The following MICAL2 variants were observed in gnomAD, a reference collection of about 807,000 sequenced individuals.
MICAL2 encodes microtubule associated monooxygenase, calponin and LIM domain containing 2.
A neutral mutation model predicts 127.3 loss-of-function variants in MICAL2; 77 were observed. That is an observed-to-expected ratio of 0.60 (90% CI 0.50 to 0.73). The LOEUF is 0.73. Ranked by LOEUF, MICAL2 falls within the 30% of genes least tolerant of loss-of-function variation. MICAL2 has a pLI of 0.00. For missense variants in MICAL2, 1,351 were observed against 1,434.4 expected (o/e 0.94, Z 0.94); for synonymous variants, 570 against 551.1 (o/e 1.03, Z -0.48).
Position 12,329,862 on chromosome 11 carries a change from GA to G in MICAL2, c.5515+2617del, listed in dbSNP as rs59395634. ...GAAAATCTTCCTCATCCCCAAATAT[GA>G]AAAAAAAAAAAAAAAAAAAAGAAAA... On this transcript the variant is annotated intron_variant, in intron 32 of 34. Transcript: ENST00000646065. Among the ~76,000 whole-genome samples the G allele has an allele frequency of 9.3e-3, 1,133 of 121,912 alleles. 26 individuals are homozygous for G. The highest frequency in any genetic ancestry group is 0.06 in the Admixed American group (700 of 11,748). 80.0% of individuals were successfully genotyped at this position (121,912 alleles called of 152,430 possible). A position where few individuals can be genotyped will look rare whatever the true frequency, so the allele number is the denominator to read the frequency against.
intron 29 of MICAL2, among the ~76,000 whole-genome samples, chr11:12,298,366 C>A (rs956053745): frequency 6.6e-6 from 1 of 152,036 alleles, no homozygotes; most frequent in African/African-American, 2.4e-5. Flanking sequence ...ATTAATTCCT[C>A]TTTGTTATAA....
At chr11:12,284,872 A>G (rs1863807748) in intron 2 of MICAL2, among the ~76,000 whole-genome samples, 1 of 152,172 alleles carries the variant, frequency 6.6e-6, no homozygotes, top group South Asian at 2.1e-4. Flanking sequence ...AACCTGCCAG[A>G]CAGAGCAGAC....
At chr11:12,168,513 A>G (rs1855825521) in intron 3 of MICAL2, among the ~76,000 whole-genome samples, 1 of 151,626 alleles carries the variant, frequency 6.6e-6, no homozygotes, top group Non-Finnish European at 1.5e-5. Flanking sequence ...ACACACATAC[A>G]TAACACCACA....
At chr11:12,158,241 T>C (rs574870770) in intron 2 of MICAL2, among the ~76,000 whole-genome samples, 1 of 152,110 alleles carries the variant, frequency 6.6e-6, no homozygotes, top group Non-Finnish European at 1.5e-5. Flanking sequence ...GTCCCAAGCA[T>C]TTTGGATAAG....
At chr11:12,189,714 G>T (rs889612393) in intron 3 of MICAL2, among the ~76,000 whole-genome samples, 3 of 152,124 alleles carry the variant, frequency 2.0e-5, no homozygotes, top group Admixed American at 6.5e-5. Context: ...TCCATATGTG[G>T]GCTTCCGCAG....
chr11:12,272,641 C>T (rs943402618), upstream of MICAL2, among the ~76,000 whole-genome samples: 2 of 152,188 alleles, frequency 1.3e-5, no homozygotes, highest in African/African-American at 4.8e-5. Flanking sequence ...CATATGGCAC[C>T]TATTTTCTTG....
intron 33 of MICAL2, chr11:12,349,987 AG>A (rs753916748): frequency 3.3e-6 from 5 of 1,525,766 alleles, no homozygotes; most frequent in Non-Finnish European, 4.5e-6. Flanking sequence ...AAAGGGGCAA[AG>A]GGGGGTGGCT....
intron 1 of MICAL2, among the ~76,000 whole-genome samples, chr11:12,276,937 AT>A (rs1017996323): frequency 6.6e-6 from 1 of 152,178 alleles, no homozygotes; most frequent in Admixed American, 6.5e-5. Context: ...GCTGCCTTAG[AT>A]TGGGTGGCCA....
At chr11:12,216,120 A>G in intron 7 of MICAL2, 99 bp from the exon 8 acceptor site, 1 of 854,486 alleles carries the variant, frequency 1.2e-6, no homozygotes, top group Non-Finnish European at 1.9e-6. Context: ...AATATTCTGC[A>G]GATAAATAAC....
At chr11:12,295,068 C>T (rs1055344715), downstream of MICAL2, among the ~76,000 whole-genome samples, 1 of 152,016 alleles carries the variant, frequency 6.6e-6, no homozygotes, top group African/African-American at 2.4e-5. Context: ...AACCATAACC[C>T]TACGACCACT....
chr11:12,181,180 G>A (rs1857434618), intron 3 of MICAL2, among the ~76,000 whole-genome samples: 1 of 152,154 alleles, frequency 6.6e-6, no homozygotes. Flanking sequence ...CTGACCTCAG[G>A]TGGTCCACCC....
At chr11:12,356,610 G>GT in intron 34 of MICAL2, among the ~76,000 whole-genome samples, 1 of 152,240 alleles carries the variant, frequency 6.6e-6, no homozygotes, top group South Asian at 2.1e-4. Flanking sequence ...CCACTCTCTC[G>GT]GGGTGCCTGA....
At chr11:12,278,918 G>A (rs1863745937) in intron 1 of MICAL2, among the ~76,000 whole-genome samples, 1 of 152,232 alleles carries the variant, frequency 6.6e-6, no homozygotes, top group African/African-American at 2.4e-5. Flanking sequence ...CTTTGTGGAT[G>A]TCAGGTAAGT....
At chr11:12,313,499 T>C (rs1323411614) in intron 29 of MICAL2, among the ~76,000 whole-genome samples, 1 of 152,206 alleles carries the variant, frequency 6.6e-6, no homozygotes, top group Admixed American at 6.5e-5. Flanking sequence ...TGTGTGTGAC[T>C]TAAGTCCTTT....
Position 12,162,096 on chromosome 11 carries a change from A to G in MICAL2, c.-60A>G. The G allele has an allele frequency of 6.2e-7, 1 of 1,603,744 alleles. No individual in the cohort carries two copies. The highest frequency in any genetic ancestry group is 8.5e-7 in the Non-Finnish European group (1 of 1,173,976). On this transcript the variant is annotated 5_prime_UTR_variant, in exon 3 of 28. Transcript: ENST00000683283. ...TTTCACAGGTGTGACGTTTCTCCAG[A>G]TACTTCATGCTGTTCACCTGTGTCC...
intron 32 of MICAL2, among the ~76,000 whole-genome samples, chr11:12,341,503 CG>C (rs780235971): frequency 2.2e-4 from 34 of 152,002 alleles, no homozygotes; most frequent in South Asian, 4.2e-4. Flanking sequence ...ATAAATAGAT[CG>C]TTTTTTTTCT....
rs117502070 is a variant in MICAL2, at chr11:12,227,803, G to A, written c.1995+672G>A. 9.3e-3 allele frequency among the ~76,000 whole-genome samples: 1,421 copies of A among 152,306 alleles called. 10 individuals are homozygous for A. Among genetic ancestry groups the A allele is most frequent in the Non-Finnish European group, 0.015 (1,038 of 68,020 alleles). On this transcript the variant is annotated intron_variant, in intron 15 of 27. Transcript: ENST00000683283. ...ACCTAACAGTTTCATTTATTAAGTA[G>A]TTAAGACCAAATAACTTAATAGGAG...
downstream of MICAL2, chr11:12,294,425 C>G (rs920114333): frequency 1.2e-5 from 19 of 1,614,082 alleles, no homozygotes; most frequent in Non-Finnish European, 1.6e-5. Context: ...TGGGAGAAAC[C>G]AGTCCTCAGC....
At chr11:12,305,789 T>C (rs2134813447) in intron 29 of MICAL2, among the ~76,000 whole-genome samples, 1 of 152,324 alleles carries the variant, frequency 6.6e-6, no homozygotes, top group East Asian at 1.9e-4. Flanking sequence ...TATTGAGGTC[T>C]TCAATTTTTC....
Sources: allele counts gnomAD v4.1 joint callset (sites outside exome capture counted in the v4.1 genomes callset), GRCh38; gene constraint gnomAD v4.1.1; transcripts MANE v1.5; gene names NCBI Gene and HGNC (gene_info 2026-07-23, HGNC 2026-07-21).